Variants in RPTOR observed in about 807,000 individuals in gnomAD.
RPTOR encodes regulatory-associated protein of mTOR.
Under a neutral mutation model 169.9 loss-of-function variants are expected in RPTOR, and 21 were observed. That is an observed-to-expected ratio of 0.12 (90% CI 0.09 to 0.18). RPTOR has a LOEUF of 0.18. Ranked by LOEUF, RPTOR falls within the 10% of genes least tolerant of loss-of-function variation. The probability of loss-of-function intolerance (pLI) is 1.00; values close to 1 mark genes in which losing one functional copy is unlikely to be tolerated. For synonymous variants in RPTOR, 732 were observed against 753.2 expected, an observed-to-expected ratio of 0.97 and a Z score of 0.46; for missense variants, 1,133 against 1,855.9, an observed-to-expected ratio of 0.61 and a Z score of 7.16.
chr17:80,851,411 A>C (rs535829082), intron 11 of RPTOR, among the ~76,000 whole-genome samples: 138 of 152,348 alleles, frequency 9.1e-4, no homozygotes, highest in African/African-American at 3.2e-3. Flanking sequence ...AGCCAATCCC[A>C]TTTTAAAAAT....
At chr17:80,758,641 A>C (rs902202142) in intron 6 of RPTOR, among the ~76,000 whole-genome samples, 1 of 152,132 alleles carries the variant, frequency 6.6e-6, no homozygotes, top group Non-Finnish European at 1.5e-5. Flanking sequence ...GTAGACGCAC[A>C]GTGGACACTG....
At chr17:80,827,552 A>G (rs1237559068) in intron 9 of RPTOR, among the ~76,000 whole-genome samples, 1 of 152,142 alleles carries the variant, frequency 6.6e-6, no homozygotes, top group Non-Finnish European at 1.5e-5. Flanking sequence ...CCGTTGCCAT[A>G]TTCTGCTGGT....
At chr17:80,554,821 G>A (rs2084389302) in intron 1 of RPTOR, among the ~76,000 whole-genome samples, 1 of 151,916 alleles carries the variant, frequency 6.6e-6, no homozygotes, top group African/African-American at 2.4e-5. Flanking sequence ...CTATGAAGCT[G>A]GATATTAAAG....
At chr17:80,756,526 A>C (rs575221879) in intron 6 of RPTOR, among the ~76,000 whole-genome samples, 1 of 152,342 alleles carries the variant, frequency 6.6e-6, no homozygotes, top group African/African-American at 2.4e-5. Flanking sequence ...TAGAAGGTGG[A>C]GTGAGATGGT....
At chr17:80,693,166 C>T (rs2066006976) in intron 3 of RPTOR, among the ~76,000 whole-genome samples, 1 of 152,198 alleles carries the variant, frequency 6.6e-6, no homozygotes, top group Non-Finnish European at 1.5e-5. Flanking sequence ...GCATTTGGAT[C>T]AGCTAATTCA....
intron 13 of RPTOR, among the ~76,000 whole-genome samples, chr17:80,859,818 A>G (rs1347381451): frequency 6.6e-6 from 1 of 152,158 alleles, no homozygotes; most frequent in East Asian, 1.9e-4. Context: ...TTAATTCCTA[A>G]GTCCCCTGTG....
At position 80,688,939 on chromosome 17, in the gene RPTOR, A is replaced by G. The variant is rs556209582; in HGVS notation, c.349-18902A>G. Among the ~76,000 whole-genome samples, 3 of 152,284 alleles carry G rather than the reference A, an allele frequency of 2.0e-5. No homozygotes were observed. In the East Asian group the frequency reaches 5.8e-4, roughly 29 times the overall value. Reference sequence around the variant, plus strand: ...GAGGGAGTGCCTTTTTCTGCTTTACACAAGGCACCTCAAGGGGTAGAGGTG... The same window carrying G: ...GAGGGAGTGCCTTTTTCTGCTTTACGCAAGGCACCTCAAGGGGTAGAGGTG... On this transcript the variant is annotated intron_variant, in intron 3 of 33. Transcript: ENST00000306801.
intron 24 of RPTOR, among the ~76,000 whole-genome samples, chr17:80,931,056 TG>T (rs1442717780): frequency 1.3e-5 from 2 of 152,202 alleles, no homozygotes; most frequent in African/African-American, 4.8e-5. Context: ...AGTTTCATCC[TG>T]GTTTTGCTTG....
Position 80,837,937 on chromosome 17 carries a change from G to A in RPTOR, c.1152G>A (p.Leu384=). 6.2e-7 allele frequency: 1 copy of A among 1,611,992 alleles called. No individual in the cohort carries two copies. Among genetic ancestry groups the A allele is most frequent in the Non-Finnish European group, 8.5e-7 (1 of 1,179,080 alleles). ...YMHAMWQAWD[L]AVDICLSQLP... The stretch of plus-strand genomic sequence containing the variant: ...CTCTCCGCAGGCAAGCCTGGGACCT[G>A]GCTGTTGACATCTGTCTGTCTCAGC... Residue 384 remains leucine, a synonymous_variant, in exon 10 of 34, where the codon CTG becomes CTA. Transcript: ENST00000306801.
intron 4 of RPTOR, among the ~76,000 whole-genome samples, chr17:80,712,927 G>A (rs563553750): frequency 3.3e-5 from 5 of 152,172 alleles, no homozygotes; most frequent in South Asian, 2.1e-4. Context: ...GAAATTGGGC[G>A]TCTTTGCATG....
At chr17:80,926,054 G>T (rs1281823002) in intron 24 of RPTOR, among the ~76,000 whole-genome samples, 1 of 152,168 alleles carries the variant, frequency 6.6e-6, no homozygotes, top group Non-Finnish European at 1.5e-5. Context: ...GGCCCAGCAG[G>T]GACTCGTGGA....
intron 1 of RPTOR, among the ~76,000 whole-genome samples, chr17:80,588,372 A>G (rs964017065): frequency 1.3e-5 from 2 of 152,070 alleles, no homozygotes; most frequent in Admixed American, 6.6e-5. Flanking sequence ...CATGTTGGTC[A>G]GGTTGGTCTC....
intron 1 of RPTOR, among the ~76,000 whole-genome samples, chr17:80,624,258 A>G (rs145323336): frequency 3.9e-5 from 6 of 152,356 alleles, no homozygotes; most frequent in African/African-American, 1.4e-4. Flanking sequence ...TTAAAGGTAC[A>G]TTTGAATAAA....
intron 10 of RPTOR, among the ~76,000 whole-genome samples, chr17:80,838,397 G>A (rs1374461085): frequency 6.6e-6 from 1 of 152,144 alleles, no homozygotes; most frequent in Non-Finnish European, 1.5e-5. Context: ...ACCCTGGAGG[G>A]CGTTCTGCCC....
At chr17:80,618,544 G>A (rs574624004) in intron 1 of RPTOR, among the ~76,000 whole-genome samples, 1 of 152,186 alleles carries the variant, frequency 6.6e-6, no homozygotes, top group Non-Finnish European at 1.5e-5. Flanking sequence ...GTCGCCGTGG[G>A]CGAGGCCTCC....
intron 7 of RPTOR, 126 bp from the exon 8 acceptor site, chr17:80,822,075 T>TGCTCAGAGCCTTCCTCCCTC: frequency 2.4e-6 from 2 of 818,388 alleles, no homozygotes; most frequent in South Asian, 2.9e-5. Flanking sequence ...GCCAAGCTTC[T>TGCTCAGAGCCTTCCTCCCTC]GCTCAGAGCC....
intron 6 of RPTOR, among the ~76,000 whole-genome samples, chr17:80,766,838 A>G (rs1387849754): frequency 2.0e-5 from 3 of 152,212 alleles, no homozygotes; most frequent in African/African-American, 4.8e-5. Flanking sequence ...AAGTCCAGAA[A>G]AAAAAGAATA....
At chr17:80,806,537 G>A (rs988214958) in intron 7 of RPTOR, among the ~76,000 whole-genome samples, 5 of 151,992 alleles carry the variant, frequency 3.3e-5, no homozygotes, top group Non-Finnish European at 7.4e-5. Flanking sequence ...ATATTCCTAG[G>A]GCTCATGATC....
intron 9 of RPTOR, among the ~76,000 whole-genome samples, chr17:80,824,790 G>C (rs1346358295): frequency 6.6e-6 from 1 of 152,226 alleles, no homozygotes; most frequent in East Asian, 1.9e-4. Flanking sequence ...AGATGTAAAA[G>C]CACCTCCTAT....
Sources: allele counts gnomAD v4.1 joint callset (sites outside exome capture counted in the v4.1 genomes callset), GRCh38; gene constraint gnomAD v4.1.1; transcripts MANE v1.5; gene names NCBI Gene and HGNC (gene_info 2026-07-23, HGNC 2026-07-21).